RSPRY1: variants seen among roughly 807,000 people sequenced by gnomAD.
RSPRY1 encodes ring finger and SPRY domain containing 1.
Under a neutral mutation model 73.1 loss-of-function variants are expected in RSPRY1, and 23 were observed. The ratio of observed to expected loss-of-function variants is 0.31; its 90% CI spans 0.23 to 0.45. The LOEUF (loss-of-function observed/expected upper bound fraction) is 0.45. RSPRY1 is among the 20% of genes least tolerant of loss of function. The pLI is 1.00. For synonymous variants in RSPRY1, 226 were observed against 251.4 expected, an observed-to-expected ratio of 0.90 and a Z score of 0.95; for missense variants, 448 against 698.7, an observed-to-expected ratio of 0.64 and a Z score of 4.05.
chr16:57,235,053 C>T, intron 13 of RSPRY1, 71 bp from the exon 14 acceptor site: 1 of 1,094,122 alleles, frequency 9.1e-7, no homozygotes, highest in Non-Finnish European at 1.4e-6. Context: ...ATTTTCAAAA[C>T]ATTTCATATG....
intron 2 of RSPRY1, among the ~76,000 whole-genome samples, chr16:57,206,557 TTTTTG>T (rs2074729191): frequency 1.3e-5 from 2 of 152,048 alleles, no homozygotes; most frequent in African/African-American, 4.8e-5. Flanking sequence ...AGAGAGAGTT[TTTTTG>T]TTTTGTTTTG....
At chr16:57,218,584 G>A (rs1383626556) in intron 8 of RSPRY1, among the ~76,000 whole-genome samples, 6 of 151,890 alleles carry the variant, frequency 4.0e-5, no homozygotes, top group African/African-American at 9.7e-5. Flanking sequence ...GAGAACACAC[G>A]AAGTTTGTCT....
chr16:57,213,085 C>T lies in RSPRY1; in HGVS notation c.630C>T (p.Ala210=), dbSNP rs145688335. ...CATCTGCAGTCCTAGGCTGCTTGGC[C>T]GAGAAACTAGCAGGTAACTTTGGGA... The part of the protein sequence containing the change: ...RNTSAVLGCL[A]EKLAGPASIG... Residue 210 remains alanine (A), a synonymous_variant, in exon 5 of 15, where the codon GCC becomes GCT. Transcript: ENST00000394420. 6.3e-4 allele frequency: 1,013 copies of T among 1,611,712 alleles called. 1 individual carries two copies. Among genetic ancestry groups the T allele is most frequent in the Middle Eastern group, 1.3e-3 (8 of 6,056 alleles).
chr16:57,216,227 T>A, intron 7 of RSPRY1, 54 bp downstream of exon 7: 2 of 1,320,996 alleles, frequency 1.5e-6, no homozygotes, highest in South Asian at 1.2e-5. Flanking sequence ...TGTTAAAAAT[T>A]TTATTTTTCT....
chr16:57,233,916 C>T (rs1352640159), intron 13 of RSPRY1, among the ~76,000 whole-genome samples: 1 of 152,166 alleles, frequency 6.6e-6, no homozygotes, highest in African/African-American at 2.4e-5. Flanking sequence ...CCCCAGATCC[C>T]CTTCAGTCTA....
chr16:57,238,144 A>T (rs1361738306), intron 14 of RSPRY1, among the ~76,000 whole-genome samples: 1 of 152,248 alleles, frequency 6.6e-6, no homozygotes, highest in Non-Finnish European at 1.5e-5. Context: ...TGTAGAGCGT[A>T]TATGAAGAAA....
chr16:57,199,913 C>CTT (rs1315067392), intron 1 of RSPRY1, among the ~76,000 whole-genome samples: 2 of 72,184 alleles, frequency 2.8e-5, no homozygotes, highest in Non-Finnish European at 5.9e-5. Context: ...TTTTCTTTTT[C>CTT]TTTTTTTTTT....
At chr16:57,215,673 A>T (rs1482580596) in intron 6 of RSPRY1, among the ~76,000 whole-genome samples, 2 of 152,224 alleles carry the variant, frequency 1.3e-5, no homozygotes, top group East Asian at 3.8e-4. Flanking sequence ...AATTATTTAT[A>T]ATTTTGCAAC....
At chr16:57,223,217 G>T (rs1221843721) in intron 10 of RSPRY1, among the ~76,000 whole-genome samples, 1 of 152,188 alleles carries the variant, frequency 6.6e-6, no homozygotes, top group African/African-American at 2.4e-5. Context: ...CAGACAGGGT[G>T]TGATTCTATG....
chr16:57,217,628 A>G (rs1597902411), intron 8 of RSPRY1, among the ~76,000 whole-genome samples: 3 of 152,338 alleles, frequency 2.0e-5, no homozygotes, highest in Admixed American at 6.5e-5. Context: ...GTATTTGCAG[A>G]TACCAGGTTA....
In RSPRY1 at chr16:57,212,638, G is replaced by A. The variant is rs550690932; in HGVS notation, c.517-334G>A. On this transcript the variant is annotated intron_variant, in intron 4 of 14. Coordinates refer to ENST00000394420, the MANE Select transcript of RSPRY1 (RefSeq NM_133368.3). ...ATAGCTCCCCCCACCCCCCTGAGAC[G>A]GAGCCTTGCTCTGTCGTCCAGGCTG... Among the ~76,000 whole-genome samples, 20 of 151,920 alleles carry A rather than the reference G, an allele frequency of 1.3e-4. 1 individual carries two copies. The highest frequency in any genetic ancestry group is 3.9e-4 in the African/African-American group (16 of 41,424).
At chr16:57,208,906 T>TA (rs1444717151) in intron 3 of RSPRY1, among the ~76,000 whole-genome samples, 169 bp from the exon 4 acceptor site, 1 of 152,188 alleles carries the variant, frequency 6.6e-6, no homozygotes, top group Non-Finnish European at 1.5e-5. Context: ...AAGATGTTTT[T>TA]ACTCCACCAC....
At chr16:57,237,277 T>G (rs2146401705) in intron 14 of RSPRY1, among the ~76,000 whole-genome samples, 1 of 151,716 alleles carries the variant, frequency 6.6e-6, no homozygotes, top group East Asian at 2.0e-4. Flanking sequence ...CCGAGTAGCT[T>G]GGATTACAGG....
At position 57,191,259 on chromosome 16, in the gene RSPRY1, A is replaced by C. The variant is rs2074347599; in HGVS notation, c.-156+4808A>C. 2.6e-5 allele frequency among the ~76,000 whole-genome samples: 4 copies of C among 152,314 alleles called. No individual in the cohort carries two copies. The South Asian group carries it at 8.3e-4, about 32-fold the overall frequency. On this transcript the variant is annotated intron_variant, in intron 1 of 14. Coordinates refer to ENST00000394420, the MANE Select transcript of RSPRY1 (RefSeq NM_133368.3). ...TTCTGCCCAGTCCCTCCACATGGGA[A>C]ATATAGCACTGTTTGTTTGTTTTTT... is the stretch of plus-strand genomic sequence containing the variant.
chr16:57,210,112 G>A (rs955365998), intron 4 of RSPRY1, among the ~76,000 whole-genome samples: 16 of 120,540 alleles, frequency 1.3e-4, no homozygotes, highest in African/African-American at 2.5e-4. Flanking sequence ...TTCCTTCCCC[G>A]GCCCCGCCTA....
At chr16:57,193,074 T>C (rs2074378742) in intron 1 of RSPRY1, among the ~76,000 whole-genome samples, 1 of 152,172 alleles carries the variant, frequency 6.6e-6, no homozygotes, top group Non-Finnish European at 1.5e-5. Context: ...TTCTTAAAGA[T>C]CCTCAGTGCA....
intron 10 of RSPRY1, among the ~76,000 whole-genome samples, chr16:57,222,504 A>G (rs899266284): frequency 6.6e-6 from 1 of 152,218 alleles, no homozygotes; most frequent in Non-Finnish European, 1.5e-5. Flanking sequence ...TTGGAGGAAA[A>G]GGGCCAGTGG....
chr16:57,200,684 G>A (rs1273770584), intron 1 of RSPRY1, among the ~76,000 whole-genome samples: 21 of 67,418 alleles, frequency 3.1e-4, no homozygotes, highest in African/African-American at 8.0e-4. Flanking sequence ...CCTCCCTCCC[G>A]GACGGGGCGG....
Position 57,238,883 on chromosome 16 carries a change from C to T in RSPRY1, c.1639C>T (p.Leu547=), listed in dbSNP as rs752476637. 2 of 1,585,858 alleles carry T rather than the reference C, an allele frequency of 1.3e-6. No individual in the cohort carries two copies. Among genetic ancestry groups the T allele is most frequent in the Non-Finnish European group, 1.7e-6 (2 of 1,165,718 alleles). ...CTTTTCTGTGTTTCTCCCCAGTGAC[C>T]TGTGCATGGATTGTGCCTTGCAGCT... ...TQLKPCGHSD[L]CMDCALQLET... Residue 547 remains leucine, a synonymous_variant, in exon 15 of 15, where the codon CTG becomes TTG. Coordinates refer to ENST00000394420, the MANE Select transcript of RSPRY1 (RefSeq NM_133368.3).
Sources: gnomAD v4.1 joint callset for allele counts (sites outside exome capture counted in the v4.1 genomes callset) on GRCh38, gnomAD v4.1.1 for gene constraint, MANE v1.5 for transcripts, NCBI Gene and HGNC (gene_info 2026-07-23, HGNC 2026-07-21) for gene names.